HGD: variants seen among roughly 807,000 people sequenced by gnomAD.
The protein encoded by HGD is homogentisate oxidase.
HGD carries 61 observed loss-of-function variants against 60.8 expected under a neutral mutation model. The observed-to-expected ratio is 1.00, with a 90% confidence interval of 0.82 to 1.24. The LOEUF (loss-of-function observed/expected upper bound fraction) is 1.24. Among genes scored for constraint, HGD ranks in the 50% most tolerant of loss-of-function variants. The pLI is 0.00. For missense variants in HGD, 542 were observed against 547.1 expected (o/e 0.99, Z 0.09); for synonymous variants, 212 against 187.7 (o/e 1.13, Z -1.06).
intron 9 of HGD, among the ~76,000 whole-genome samples, chr3:120,645,038 G>T (rs1268546201): frequency 6.6e-6 from 1 of 152,146 alleles, no homozygotes; most frequent in East Asian, 1.9e-4. Flanking sequence ...TAAATCAAAA[G>T]ACCAAACATG....
intron 12 of HGD, among the ~76,000 whole-genome samples, chr3:120,636,208 G>T (rs1321217649): frequency 6.6e-6 from 1 of 151,712 alleles, no homozygotes; most frequent in Non-Finnish European, 1.5e-5. Context: ...TGAGCCTGGG[G>T]GGTGGAGGTT....
intron 4 of HGD, among the ~76,000 whole-genome samples, chr3:120,654,446 G>A (rs530377341): frequency 6.6e-6 from 1 of 152,244 alleles, no homozygotes; most frequent in Non-Finnish European, 1.5e-5. Context: ...CAATCCAGAG[G>A]TTCTGTGATT....
chr3:120,648,198 C>A (rs1275809626), intron 6 of HGD, among the ~76,000 whole-genome samples: 1 of 152,156 alleles, frequency 6.6e-6, no homozygotes, highest in Non-Finnish European at 1.5e-5. Context: ...GAAGAATCAG[C>A]AAAGGCTTCT....
chr3:120,675,696 T>C (rs1004351366), intron 2 of HGD, 96 bp downstream of exon 2: 24 of 895,690 alleles, frequency 2.7e-5, no homozygotes, highest in South Asian at 1.2e-4. Context: ...ACAGGCTAGA[T>C]TGGAAGAGCC....
intron 10 of HGD, among the ~76,000 whole-genome samples, chr3:120,643,488 G>A (rs535541343): frequency 1.3e-5 from 2 of 152,294 alleles, no homozygotes; most frequent in South Asian, 2.1e-4. Context: ...CGAATTTTGA[G>A]AGACCTTGAC....
chr3:120,668,959 A>G (rs1167360281), intron 4 of HGD, among the ~76,000 whole-genome samples: 1 of 148,222 alleles, frequency 6.7e-6, no homozygotes, highest in Non-Finnish European at 1.5e-5. Context: ...CACTGGGTCT[A>G]TCTCATTGCT....
At chr3:120,675,919 G>A (rs2107557952) in intron 1 of HGD, 56 bp from the exon 2 acceptor site, 1 of 1,379,716 alleles carries the variant, frequency 7.2e-7, no homozygotes, top group Non-Finnish European at 1.0e-6. Context: ...GAGCATTTCA[G>A]AAAATTGGCA....
In HGD at chr3:120,670,529, C is replaced by T; in HGVS notation, c.180G>A (p.Trp60Ter). Residue 60 changes from tryptophan to a stop codon, truncating the protein, a stop_gained, in exon 4 of 14, where the codon TGG (tryptophan) becomes TGA (stop). Coordinates refer to ENST00000283871, the MANE Select transcript of HGD (RefSeq NM_000187.4). LOFTEE classifies it high-confidence loss of function. ...TCPRSTNKRS[W>*]LYRILPSVSH... ...AAACTGAAGGTAGAATCCTATACAG[C>T]CAGCTAGAGGGAAAAACATACAAGA... The T allele has an allele frequency of 1.3e-6, 2 of 1,562,678 alleles. No homozygotes were observed. The highest frequency in any genetic ancestry group is 2.2e-5 in the South Asian group (2 of 90,134).
At chr3:120,643,763 C>A (rs1475164527) in intron 10 of HGD, among the ~76,000 whole-genome samples, 4 of 152,002 alleles carry the variant, frequency 2.6e-5, no homozygotes, top group Non-Finnish European at 5.9e-5. Context: ...GTTATAGAGT[C>A]CATATTACAT....
At chr3:120,640,953 G>T (rs1025006670) in intron 11 of HGD, among the ~76,000 whole-genome samples, 1 of 152,098 alleles carries the variant, frequency 6.6e-6, no homozygotes, top group Non-Finnish European at 1.5e-5. Flanking sequence ...TCCCCCCGGG[G>T]TCTCAGAACC....
At position 120,641,636 on chromosome 3, in the gene HGD, T is replaced by C. The variant is rs370920635; in HGVS notation, c.832A>G (p.Asn278Asp). ...WHGNYTPYKY[N>D]LKNFMVINSV... ...TTGATAACCATGAAATTCTTCAGGT[T>C]GTACTTGTAGGGTGTATAATTCCCG... Residue 278 changes from asparagine (N) to aspartate (D), a missense_variant, in exon 11 of 14, where the codon AAC (asparagine) becomes GAC (aspartate). This residue lies in a region of HGD where 537 missense variants were observed against 529.1 expected (regional missense o/e 1.01). Coordinates refer to ENST00000283871, the MANE Select transcript of HGD (RefSeq NM_000187.4). 48 of 1,613,948 alleles carry C rather than the reference T, an allele frequency of 3.0e-5. No homozygotes were observed. Among genetic ancestry groups the C allele is most frequent in the Non-Finnish European group, 3.9e-5 (46 of 1,179,930 alleles).
intron 1 of HGD, among the ~76,000 whole-genome samples, chr3:120,679,530 T>C (rs1322963216): frequency 2.6e-5 from 4 of 152,198 alleles, no homozygotes; most frequent in Non-Finnish European, 4.4e-5. Context: ...TTATCTTTTC[T>C]AGCCAAACAG....
At chr3:120,646,872 C>T (rs1941180737) in intron 8 of HGD, 101 bp downstream of exon 8, 5 of 978,738 alleles carry the variant, frequency 5.1e-6, no homozygotes, top group East Asian at 2.4e-5. Flanking sequence ...GTTGCCCAGA[C>T]ATGACAGAGA....
At chr3:120,670,555 T>C (rs983510395) in intron 3 of HGD, 23 bp from the exon 4 acceptor site, 3 of 1,279,466 alleles carry the variant, frequency 2.3e-6, no homozygotes, top group Non-Finnish European at 3.4e-6. Flanking sequence ...ACATACAAGA[T>C]ATACAAGCCT....
Position 120,652,589 on chromosome 3 carries a change from T to G in HGD, c.342+3A>C, listed in dbSNP as rs1182670238. The G allele has an allele frequency of 3.7e-6, 6 of 1,609,634 alleles. No homozygotes were observed. Among genetic ancestry groups the G allele is most frequent in the South Asian group, 1.1e-5 (1 of 90,970 alleles). On this transcript the variant is annotated splice_donor_region_variant and intron_variant, in intron 5 of 13. Coordinates refer to ENST00000283871, the MANE Select transcript of HGD (RefSeq NM_000187.4). ...AGGGAGGGTGTGGATGGGACTGACT[T>G]ACACTCACAAAGTCTACTTTCTTCT... is the stretch of plus-strand genomic sequence containing the variant.
intron 6 of HGD, 151 bp from the exon 7 acceptor site, chr3:120,648,062 G>T: frequency 1.4e-6 from 1 of 708,084 alleles, no homozygotes; most frequent in East Asian, 2.5e-5. Context: ...CTGCCCTTGT[G>T]GAACTTAGAG....
At chr3:120,664,391 T>TTTTC (rs1029244795) in intron 4 of HGD, among the ~76,000 whole-genome samples, 8 of 151,900 alleles carry the variant, frequency 5.3e-5, no homozygotes, top group African/African-American at 2.4e-5. Flanking sequence ...TTTCTCTTTC[T>TTTTC]TTTCTTTCTT....
At chr3:120,661,830 T>C (rs1445352185) in intron 4 of HGD, among the ~76,000 whole-genome samples, 2 of 152,218 alleles carry the variant, frequency 1.3e-5, no homozygotes, top group Admixed American at 1.3e-4. Context: ...AATTTATTTA[T>C]AGAATGATAG....
intron 4 of HGD, among the ~76,000 whole-genome samples, chr3:120,664,962 A>G (rs1004324232): frequency 2.6e-5 from 4 of 152,204 alleles, no homozygotes; most frequent in Admixed American, 2.0e-4. Flanking sequence ...AATATTTTCA[A>G]TAGAGTCATC....
Sources: allele counts gnomAD v4.1 joint callset (sites outside exome capture counted in the v4.1 genomes callset), GRCh38; gene constraint gnomAD v4.1.1; regional missense constraint gnomAD v4.1.1; transcripts MANE v1.5; gene names NCBI Gene and HGNC (gene_info 2026-07-23, HGNC 2026-07-21).